The following C2CD2L variants were observed in gnomAD, a reference collection of about 807,000 sequenced individuals.
C2CD2L encodes the protein C2CD2 like.
C2CD2L carries 24 observed loss-of-function variants against 69.9 expected under a neutral mutation model. The observed-to-expected ratio is 0.34, with a 90% confidence interval of 0.25 to 0.48. The LOEUF (loss-of-function observed/expected upper bound fraction) is 0.48. C2CD2L is among the 20% of genes least tolerant of loss of function. The pLI is 0.99. For synonymous variants in C2CD2L, 367 were observed against 391.0 expected, an observed-to-expected ratio of 0.94 and a Z score of 0.72; for missense variants, 811 against 941.5, an observed-to-expected ratio of 0.86 and a Z score of 1.81.
At chr11:119,103,981 T>TA (rs1343054260), upstream of C2CD2L, among the ~76,000 whole-genome samples, 2 of 152,044 alleles carry the variant, frequency 1.3e-5, no homozygotes, top group East Asian at 3.9e-4. Context: ...GACATCTGTG[T>TA]ACAAGGAAGG....
At chr11:119,108,266 A>G (rs1013948002) in intron 1 of C2CD2L, 171 bp downstream of exon 1, 5 of 528,626 alleles carry the variant, frequency 9.5e-6, no homozygotes, top group Non-Finnish European at 1.7e-5. Flanking sequence ...GAGGTTGTAG[A>G]AATCCAACTG....
In C2CD2L at chr11:119,116,360, G is replaced by GA; in HGVS notation, c.*104_*105insA. On this transcript the variant is annotated 3_prime_UTR_variant, in exon 14 of 14. Transcript: ENST00000648610. ...TGCCTGGGCCAGGAAAGCCCTCTGG[G>GA]TTCCGGGAAGCCCCGTCCACCCTGG... 1.0e-6 allele frequency: 1 copy of GA among 971,636 alleles called. No homozygotes were observed. The highest frequency in any genetic ancestry group is 2.1e-4 in the Middle Eastern group (1 of 4,684). The allele number at this position is 971,636 out of a possible 1,614,324, so 60.2% of individuals were successfully genotyped here.
At chr11:119,102,860 C>CTT (rs141575057), upstream of C2CD2L, among the ~76,000 whole-genome samples, 447 of 43,460 alleles carry the variant, frequency 0.01, 80 homozygotes, top group East Asian at 0.024. Context: ...AATTCACCAG[C>CTT]TTTTTTTTTT....
At position 119,114,663 on chromosome 11, in the gene C2CD2L, C is replaced by A; in HGVS notation, c.1909+298C>A. ...AAAAAAAAATTATAAAAATTTATTC[C>A]TAGGCAGGGTGTGGTGGCTCACACC... On this transcript the variant is annotated intron_variant, in intron 13 of 13. Transcript: ENST00000648610. This position sits in a 1 kb window ranked among gnomAD's most constrained non-coding sequence, Gnocchi z 5.1. 1 of 394,374 alleles carries A rather than the reference C, an allele frequency of 2.5e-6. No individual in the cohort carries two copies. The highest frequency in any genetic ancestry group is 4.7e-6 in the Non-Finnish European group (1 of 213,394). The allele number at this position is 394,374 out of a possible 1,614,324, so 24.4% of individuals were successfully genotyped here.
chr11:119,118,234 C>T lies in C2CD2L; in HGVS notation c.*1978C>T, dbSNP rs1592247862. On this transcript the variant is annotated 3_prime_UTR_variant, in exon 14 of 14. Coordinates refer to ENST00000648610, the MANE Select transcript of C2CD2L (RefSeq NM_001290474.2). Reference sequence around the variant, plus strand: ...ATACCCAATAGGTAGTTTTTCAACCCTCACCCTCCTCCCACCTTCTCACCT... The same window carrying T: ...ATACCCAATAGGTAGTTTTTCAACCTTCACCCTCCTCCCACCTTCTCACCT... 1 of 152,098 alleles carries T rather than the reference C, an allele frequency of 6.6e-6. No individual in the cohort carries two copies. Among genetic ancestry groups the T allele is most frequent in the Non-Finnish European group, 1.5e-5 (1 of 68,020 alleles). 9.4% of individuals were successfully genotyped at this position (152,098 alleles called of 1,614,324 possible).
In C2CD2L at chr11:119,112,834, C is replaced by T. The variant is rs772645291; in HGVS notation, c.1347C>T (p.Val449=). ...IMPDGTIVTT[V]TTVQSRPRID... The stretch of plus-strand genomic sequence containing the variant: ...CCGATGGCACCATTGTCACCACAGT[C>T]ACCACTGTCCAGTCCCGGCCCCGTA... The change falls in exon 10 of 14, where the codon GTC becomes GTT. Residue 449 remains valine, a synonymous_variant. Transcript: ENST00000648610. 19 of 1,614,076 alleles carry T rather than the reference C, an allele frequency of 1.2e-5. No individual in the cohort carries two copies. Among genetic ancestry groups the T allele is most frequent in the Non-Finnish European group, 1.5e-5 (18 of 1,179,964 alleles).
At position 119,111,549 on chromosome 11, in the gene C2CD2L, A is replaced by G; in HGVS notation, c.939A>G (p.Glu313=). Residue 313 remains glutamate, a synonymous_variant, in exon 7 of 14, where the codon GAA becomes GAG. Coordinates refer to ENST00000648610, the MANE Select transcript of C2CD2L (RefSeq NM_001290474.2). The part of the protein sequence containing the change: ...EGTEELCCVA[E]LDNPMQQKWT... ...CCGAGGAACTGTGCTGTGTAGCTGA[A>G]CTCGACAACCCCATGCAGCAGAAGT... is the stretch of plus-strand genomic sequence containing the variant. 1 of 1,614,110 alleles carries G rather than the reference A, an allele frequency of 6.2e-7. No homozygotes were observed. The highest frequency in any genetic ancestry group is 8.5e-7 in the Non-Finnish European group (1 of 1,180,020).
chr11:119,115,620 C>G (rs1946865742), intron 13 of C2CD2L: 1 of 240,578 alleles, frequency 4.2e-6, no homozygotes, highest in African/African-American at 2.2e-5. Flanking sequence ...ATTCGGTTAA[C>G]AAGTCAGTGT....
upstream of C2CD2L, among the ~76,000 whole-genome samples, chr11:119,104,826 A>G (rs1946554346): frequency 6.6e-6 from 1 of 152,258 alleles, no homozygotes; most frequent in African/African-American, 2.4e-5. Context: ...AAAGACAATG[A>G]GACCCCTCTG....
chr11:119,114,395 T>G lies in C2CD2L; in HGVS notation c.1909+30T>G. 6.2e-7 allele frequency: 1 copy of G among 1,608,334 alleles called. No homozygotes were observed. Among genetic ancestry groups the G allele is most frequent in the Non-Finnish European group, 8.5e-7 (1 of 1,176,760 alleles). On this transcript the variant is annotated intron_variant, in intron 13 of 13. Transcript: ENST00000648610. This position sits in a 1 kb window ranked among gnomAD's most constrained non-coding sequence, Gnocchi z 5.1. The stretch of plus-strand genomic sequence containing the variant: ...GGGGACGTTGGCAGGGTGCCCCTCA[T>G]CTCTTCTTTTATACACATATCATGA...
intron 6 of C2CD2L, 59 bp downstream of exon 6, chr11:119,111,433 T>A (rs1177652113): frequency 6.3e-7 from 1 of 1,586,244 alleles, no homozygotes; most frequent in Non-Finnish European, 8.7e-7. Flanking sequence ...AGATGCTCTC[T>A]GCCCCTCTGC....
Position 119,109,104 on chromosome 11 carries a change from C to T in C2CD2L, c.355-1000C>T, listed in dbSNP as rs568764522. 4.6e-5 allele frequency among the ~76,000 whole-genome samples: 7 copies of T among 152,324 alleles called. No individual in the cohort carries two copies. Among genetic ancestry groups the T allele is most frequent in the African/African-American group, 1.7e-4 (7 of 41,572 alleles). On this transcript the variant is annotated intron_variant, in intron 1 of 13. Coordinates refer to ENST00000648610, the MANE Select transcript of C2CD2L (RefSeq NM_001290474.2). The surrounding 1 kb of genome is among the most constrained non-coding windows in gnomAD (Gnocchi z 5.1). ...AAGCAACTCCCCAGGATAGCTGACT[C>T]AACTGGACATTGGCCTCCCTTGCAG...
upstream of C2CD2L, among the ~76,000 whole-genome samples, chr11:119,104,666 G>T (rs933044644): frequency 2.6e-5 from 4 of 152,236 alleles, no homozygotes; most frequent in South Asian, 2.1e-4. Context: ...TCACAGACCA[G>T]TTGACTTGTC....
At chr11:119,112,457 C>T in intron 8 of C2CD2L, 25 bp from the exon 9 acceptor site, 1 of 1,613,894 alleles carries the variant, frequency 6.2e-7, no homozygotes, top group Non-Finnish European at 8.5e-7. Flanking sequence ...ATGGGCCCAG[C>T]TCACAGTGCC....
At position 119,112,617 on chromosome 11, in the gene C2CD2L, G is replaced by T; in HGVS notation, c.1212+8G>T. On this transcript the variant is annotated splice_region_variant and intron_variant, in intron 9 of 13. Coordinates refer to ENST00000648610, the MANE Select transcript of C2CD2L (RefSeq NM_001290474.2). Reference sequence around the variant, plus strand: ...GCCACCATGGCAGTGGAGGTGAGAAGCTGACCCCTGGGGTAGGTGGGAGGA... The same window carrying T: ...GCCACCATGGCAGTGGAGGTGAGAATCTGACCCCTGGGGTAGGTGGGAGGA... 1 of 1,608,066 alleles carries T rather than the reference G, an allele frequency of 6.2e-7. No individual in the cohort carries two copies. The highest frequency in any genetic ancestry group is 8.5e-7 in the Non-Finnish European group (1 of 1,177,542).
chr11:119,107,420 G>C lies in C2CD2L; in HGVS notation c.-322G>C, dbSNP rs190360220. The C allele has an allele frequency of 4.7e-3, 1,116 of 238,888 alleles. 24 individuals carry two copies. The highest frequency in any genetic ancestry group is 0.046 in the East Asian group (587 of 12,868). 14.8% of individuals were successfully genotyped at this position (238,888 alleles called of 1,614,324 possible). A position where few individuals can be genotyped will look rare whatever the true frequency, so the allele number is the denominator to read the frequency against. On this transcript the variant is annotated 5_prime_UTR_variant, in exon 1 of 14. Coordinates refer to ENST00000648610, the MANE Select transcript of C2CD2L (RefSeq NM_001290474.2). The surrounding 1 kb of genome is among the most constrained non-coding windows in gnomAD (Gnocchi z 5.4). ...GCCCGCGAGCCCCAGCGTCTCTGCA[G>C]ACCAGTCCCCTCCAGGGTCCGGCGG...
chr11:119,116,028 C>G lies in C2CD2L; in HGVS notation c.1910-17C>G, dbSNP rs767262870. On this transcript the variant is annotated splice_polypyrimidine_tract_variant and intron_variant, in intron 13 of 13. Transcript: ENST00000648610. Reference sequence around the variant, plus strand: ...CCCGTGCCCCTCTCTGCCTCAGCTTCCCCTCTTCCCCTGCAGTGAGTTTCC... The same window carrying G: ...CCCGTGCCCCTCTCTGCCTCAGCTTGCCCTCTTCCCCTGCAGTGAGTTTCC... The G allele has an allele frequency of 3.1e-6, 5 of 1,611,954 alleles. No homozygotes were observed. The South Asian group carries it at 5.5e-5, about 18-fold the overall frequency.
intron 10 of C2CD2L, 172 bp downstream of exon 10, chr11:119,113,046 C>T (rs891534012): frequency 3.2e-6 from 2 of 629,714 alleles, no homozygotes; most frequent in East Asian, 5.5e-5. Context: ...CAAACTTTCC[C>T]TTACCTCCTG....
chr11:119,103,308 T>G (rs80137317), upstream of C2CD2L, among the ~76,000 whole-genome samples: 581 of 152,306 alleles, frequency 3.8e-3, 5 homozygotes, highest in African/African-American at 0.014. Context: ...TCCAATAGCC[T>G]AGCGCTTTGT....
Sources: gnomAD v4.1 joint callset for allele counts (sites outside exome capture counted in the v4.1 genomes callset) on GRCh38, gnomAD v4.1.1 for gene constraint, Gnocchi (gnomAD v3.1) non-coding constraint, MANE v1.5 for transcripts, NCBI Gene and HGNC (gene_info 2026-07-23, HGNC 2026-07-21) for gene names.